VRK1: variants seen among roughly 807,000 people sequenced by gnomAD.
VRK1 encodes VRK serine/threonine kinase 1, also known as serine/threonine-protein kinase VRK1.
In VRK1, 33 loss-of-function variants were observed where a neutral mutation model predicts 57.1. The ratio of observed to expected loss-of-function variants is 0.58; its 90% CI spans 0.44 to 0.77. The LOEUF (loss-of-function observed/expected upper bound fraction) is 0.77. Among genes scored for constraint, VRK1 ranks in the 30% least tolerant of loss-of-function variants. The pLI, the probability that VRK1 is intolerant of heterozygous loss-of-function variation, is 0.00. For synonymous variants in VRK1, 137 were observed against 147.8 expected, an observed-to-expected ratio of 0.93 and a Z score of 0.53; for missense variants, 413 against 477.3, an observed-to-expected ratio of 0.87 and a Z score of 1.25.
chr14:96,872,353 A>G (rs1015943860), intron 11 of VRK1, among the ~76,000 whole-genome samples: 2 of 152,188 alleles, frequency 1.3e-5, no homozygotes, highest in Non-Finnish European at 2.9e-5. Context: ...ACAGGTGCAC[A>G]TCTGTATATG....
At chr14:96,841,996 G>A (rs897774867) in intron 3 of VRK1, among the ~76,000 whole-genome samples, 1 of 151,990 alleles carries the variant, frequency 6.6e-6, no homozygotes, top group Admixed American at 6.6e-5. Context: ...TTATTTTACA[G>A]TTTCATTCTT....
At chr14:96,797,644 G>T (rs567168286) in intron 1 of VRK1, among the ~76,000 whole-genome samples, 197 bp downstream of exon 1, 64 of 152,186 alleles carry the variant, frequency 4.2e-4, no homozygotes, top group African/African-American at 1.5e-3. Flanking sequence ...GCGGGCGTCC[G>T]CTCCTTCCTT....
chr14:96,875,922 A>T (rs192905005), intron 11 of VRK1, 108 bp from the exon 12 acceptor site: 1 of 1,186,778 alleles, frequency 8.4e-7, no homozygotes, highest in East Asian at 2.5e-5. Flanking sequence ...GTTTTGACAC[A>T]CCCACACCTA....
intron 1 of VRK1, among the ~76,000 whole-genome samples, chr14:96,808,649 C>A (rs1297905213): frequency 6.6e-6 from 1 of 150,978 alleles, no homozygotes; most frequent in Non-Finnish European, 1.5e-5. Context: ...TGGAATAATG[C>A]CCTCTGGACT....
At chr14:96,838,255 A>G (rs1361211256) in intron 3 of VRK1, among the ~76,000 whole-genome samples, 3 of 151,976 alleles carry the variant, frequency 2.0e-5, no homozygotes, top group African/African-American at 7.3e-5. Flanking sequence ...AGTAAATTAA[A>G]TTATTTATTT....
chr14:96,864,922 A>T (rs1365048622), intron 11 of VRK1, among the ~76,000 whole-genome samples: 1 of 66,440 alleles, frequency 1.5e-5, no homozygotes, highest in Non-Finnish European at 4.1e-5. Context: ...TTGCCTATTT[A>T]AAAAAAAAAA....
At chr14:96,817,459 T>C (rs1342796820) in intron 1 of VRK1, among the ~76,000 whole-genome samples, 1 of 152,090 alleles carries the variant, frequency 6.6e-6, no homozygotes, top group Non-Finnish European at 1.5e-5. Flanking sequence ...TTTAGAAAAA[T>C]CTTCTTGTCT....
At chr14:96,808,762 T>C (rs1167513351) in intron 1 of VRK1, among the ~76,000 whole-genome samples, 1 of 152,138 alleles carries the variant, frequency 6.6e-6, no homozygotes, top group African/African-American at 2.4e-5. Flanking sequence ...GCTCTGTAGT[T>C]GTGGTTATCT....
chr14:96,849,916 A>C (rs1323218334), intron 5 of VRK1, among the ~76,000 whole-genome samples: 1 of 152,144 alleles, frequency 6.6e-6, no homozygotes, highest in Admixed American at 6.5e-5. Context: ...ACCAGGGACT[A>C]AGTGGGTCCA....
In VRK1 at chr14:96,851,023, C is replaced by A. The variant is rs564070056; in HGVS notation, c.375-1808C>A. On this transcript the variant is annotated intron_variant, in intron 5 of 12. Transcript: ENST00000216639. ...TATGTGCCCTGGTCTCATCTCTCAA[C>A]CTTGCAAAATCTGTTACACAAAGGA... Among the ~76,000 whole-genome samples, 269 of 152,258 alleles carry A rather than the reference C, an allele frequency of 1.8e-3. 4 individuals carry two copies. The highest frequency in any genetic ancestry group is 1.5e-3 in the Non-Finnish European group (103 of 68,016).
At chr14:96,818,646 A>G (rs905401811) in intron 1 of VRK1, among the ~76,000 whole-genome samples, 2 of 152,268 alleles carry the variant, frequency 1.3e-5, no homozygotes, top group Admixed American at 1.3e-4. Context: ...TTTTAATGTT[A>G]TAAAGGTACC....
intron 11 of VRK1, among the ~76,000 whole-genome samples, chr14:96,865,517 C>A (rs1888550443): frequency 6.6e-6 from 1 of 152,132 alleles, no homozygotes; most frequent in Admixed American, 6.5e-5. Flanking sequence ...TTTGAATTTA[C>A]ATACAAATTT....
Position 96,846,168 on chromosome 14 carries a change from A to G in VRK1, c.286+4A>G. Reference sequence around the variant, plus strand: ...CGAGCTGCAAAACCAGAGCAAAGTAAGAAATACAGTACACATACGTTTACA... The same window carrying G: ...CGAGCTGCAAAACCAGAGCAAAGTAGGAAATACAGTACACATACGTTTACA... On this transcript the variant is annotated splice_donor_region_variant and intron_variant, in intron 4 of 12. Transcript: ENST00000216639. The G allele has an allele frequency of 6.2e-7, 1 of 1,613,158 alleles. No individual in the cohort carries two copies. The highest frequency in any genetic ancestry group is 8.5e-7 in the Non-Finnish European group (1 of 1,179,308).
At chr14:96,848,120 G>T (rs1170276551) in intron 5 of VRK1, among the ~76,000 whole-genome samples, 4 of 152,148 alleles carry the variant, frequency 2.6e-5, no homozygotes, top group African/African-American at 9.7e-5. Flanking sequence ...GACTCAGGCA[G>T]TCATCAAGGG....
intron 1 of VRK1, 140 bp from the exon 2 acceptor site, chr14:96,833,327 C>T: frequency 2.3e-6 from 2 of 874,178 alleles, no homozygotes; most frequent in African/African-American, 1.7e-5. Context: ...CATTATAAGT[C>T]AGAATTAACA....
At chr14:96,807,378 T>G (rs931889233) in intron 1 of VRK1, among the ~76,000 whole-genome samples, 3 of 152,236 alleles carry the variant, frequency 2.0e-5, no homozygotes, top group Non-Finnish European at 4.4e-5. Context: ...CTTTTTGATT[T>G]GAAACATCTC....
At chr14:96,802,745 G>T (rs1168128062) in intron 1 of VRK1, among the ~76,000 whole-genome samples, 1 of 152,168 alleles carries the variant, frequency 6.6e-6, no homozygotes, top group African/African-American at 2.4e-5. Context: ...TATTGTATTA[G>T]TGTCACTTTC....
intron 12 of VRK1, among the ~76,000 whole-genome samples, chr14:96,879,900 C>T (rs917294736): frequency 1.5e-4 from 22 of 151,232 alleles, no homozygotes; most frequent in African/African-American, 5.3e-4. Flanking sequence ...TGCACTCTAG[C>T]CTGGCAACAA....
intron 11 of VRK1, among the ~76,000 whole-genome samples, chr14:96,868,959 C>A (rs896743832): frequency 1.3e-5 from 2 of 152,028 alleles, no homozygotes; most frequent in Non-Finnish European, 2.9e-5. Flanking sequence ...CCACGCCTGG[C>A]TAATTTTGCA....
Sources: gnomAD v4.1 joint callset for allele counts (sites outside exome capture counted in the v4.1 genomes callset) on GRCh38, gnomAD v4.1.1 for gene constraint, MANE v1.5 for transcripts, NCBI Gene and HGNC (gene_info 2026-07-23, HGNC 2026-07-21) for gene names.